The following TNR variants were observed in gnomAD, a reference collection of about 807,000 sequenced individuals.
TNR encodes tenascin-R.
In TNR, 45 loss-of-function variants were observed where a neutral mutation model predicts 150.4. The ratio of observed to expected loss-of-function variants is 0.30; its 90% CI spans 0.24 to 0.38. The LOEUF is 0.38. Among genes scored for constraint, TNR ranks in the 10% least tolerant of loss-of-function variants. TNR has a pLI of 1.00. For missense variants in TNR, 1,544 were observed against 1,759.1 expected (o/e 0.88, Z 2.19); for synonymous variants, 687 against 678.4 (o/e 1.01, Z -0.20).
intron 18 of TNR, among the ~76,000 whole-genome samples, chr1:175,347,646 T>C (rs1026565559): frequency 6.6e-6 from 1 of 152,112 alleles, no homozygotes. Flanking sequence ...CAGGCTGTTT[T>C]CGACCACCTG....
intron 1 of TNR, among the ~76,000 whole-genome samples, chr1:175,550,494 C>T (rs1660895647): frequency 6.6e-6 from 1 of 151,898 alleles, no homozygotes; most frequent in Non-Finnish European, 1.5e-5. Context: ...AACTCTTCCC[C>T]CCTCACCCCC....
chr1:175,630,852 G>A lies in TNR; in HGVS notation c.-164-102483C>T, dbSNP rs149128393. On this transcript the variant is annotated intron_variant, in intron 1 of 22. Transcript: ENST00000367674. ...AAGCCGGACAGCTTATGAATAACAG[G>A]CTGAATTCGCACCAAACAAGGGGAG... 1.0e-3 allele frequency among the ~76,000 whole-genome samples: 156 copies of A among 152,306 alleles called. No homozygotes were observed. The East Asian group carries it at 0.024, about 23-fold the overall frequency.
chr1:175,381,006 C>T (rs1057029722), intron 8 of TNR, among the ~76,000 whole-genome samples: 1 of 152,170 alleles, frequency 6.6e-6, no homozygotes, highest in Non-Finnish European at 1.5e-5. Flanking sequence ...TTCTGTTTAG[C>T]GATGTAAATT....
chr1:175,497,534 A>C (rs761377078), intron 2 of TNR, among the ~76,000 whole-genome samples: 7 of 152,172 alleles, frequency 4.6e-5, no homozygotes, highest in Non-Finnish European at 7.3e-5. Context: ...TCAAATAGTC[A>C]TTTGTGTTTC....
At chr1:175,343,655 C>A (rs1650633104) in intron 18 of TNR, among the ~76,000 whole-genome samples, 1 of 152,200 alleles carries the variant, frequency 6.6e-6, no homozygotes, top group African/African-American at 2.4e-5. Flanking sequence ...TTATTCATCA[C>A]TCAGCACTTA....
chr1:175,344,116 C>T (rs532433363), intron 18 of TNR, among the ~76,000 whole-genome samples: 1 of 152,314 alleles, frequency 6.6e-6, no homozygotes, highest in South Asian at 2.1e-4. Flanking sequence ...GTTTTAAGTA[C>T]TCCTTTTGAG....
rs995066684 is a variant in TNR at position 175,382,122 on chromosome 1, C to T, written c.1778-2385G>A. On this transcript the variant is annotated intron_variant, in intron 8 of 22. Transcript: ENST00000367674. Reference sequence around the variant, plus strand: ...TTATTTCGCTTTTCATTATAGTACTCATAATCAAAATAATTTTGGGTGTTT... The same window carrying T: ...TTATTTCGCTTTTCATTATAGTACTTATAATCAAAATAATTTTGGGTGTTT... 2.0e-5 allele frequency among the ~76,000 whole-genome samples: 3 copies of T among 152,348 alleles called. No homozygotes were observed. The East Asian group carries it at 5.8e-4, about 29-fold the overall frequency.
At chr1:175,492,081 T>C (rs1195511366) in intron 2 of TNR, among the ~76,000 whole-genome samples, 1 of 152,226 alleles carries the variant, frequency 6.6e-6, no homozygotes, top group Non-Finnish European at 1.5e-5. Context: ...AATTCAGGCC[T>C]CCTAGTAACT....
At chr1:175,436,093 G>T (rs1398045221) in intron 2 of TNR, among the ~76,000 whole-genome samples, 1 of 152,052 alleles carries the variant, frequency 6.6e-6, no homozygotes, top group Non-Finnish European at 1.5e-5. Flanking sequence ...TTTCAACTTT[G>T]GTGAATCTGA....
intron 2 of TNR, among the ~76,000 whole-genome samples, chr1:175,454,576 A>T (rs1419212523): frequency 6.6e-6 from 1 of 152,096 alleles, no homozygotes; most frequent in Non-Finnish European, 1.5e-5. Flanking sequence ...GGTTCAAGCG[A>T]TTCTCCTGCC....
At chr1:175,362,628 G>T in intron 14 of TNR, 35 bp downstream of exon 14, 5 of 1,599,324 alleles carry the variant, frequency 3.1e-6, no homozygotes, top group Non-Finnish European at 4.3e-6. Context: ...CTTCAGCCAG[G>T]GTTCTGACTT....
In TNR at chr1:175,406,646, G is replaced by C; in HGVS notation, c.69C>G (p.Gly23=). 5.0e-6 allele frequency: 8 copies of C among 1,614,208 alleles called. No individual in the cohort carries two copies. The highest frequency in any genetic ancestry group is 6.8e-6 in the Non-Finnish European group (8 of 1,180,052). ...MLIGINLILL[G]SMIKPSECQL... ...GACACTCTGAAGGCTTGATCATGGAGCCCAGAAGGATCAGGTTGATGCCAA... is the reference window on the plus strand; with the variant it reads ...GACACTCTGAAGGCTTGATCATGGACCCCAGAAGGATCAGGTTGATGCCAA... The change falls in exon 3 of 23, where the codon GGC becomes GGG. Residue 23 remains glycine, a synonymous_variant. Coordinates refer to ENST00000367674, the MANE Select transcript of TNR (RefSeq NM_003285.3).
At chr1:175,576,328 G>A (rs2102224255) in intron 1 of TNR, among the ~76,000 whole-genome samples, 1 of 152,306 alleles carries the variant, frequency 6.6e-6, no homozygotes, top group African/African-American at 2.4e-5. Context: ...ATTTGAGCAA[G>A]GTGGGAGGAG....
chr1:175,636,254 G>A (rs1664488896), intron 1 of TNR, among the ~76,000 whole-genome samples: 1 of 152,210 alleles, frequency 6.6e-6, no homozygotes, highest in Admixed American at 6.5e-5. Flanking sequence ...CAGGATGATA[G>A]TGGTGATAAT....
chr1:175,542,538 C>T (rs1330030500), intron 1 of TNR, among the ~76,000 whole-genome samples: 2 of 152,166 alleles, frequency 1.3e-5, no homozygotes, highest in Non-Finnish European at 2.9e-5. Flanking sequence ...TGTTCTTTTG[C>T]CATCTGACAG....
At chr1:175,703,611 A>G (rs932445062) in intron 1 of TNR, among the ~76,000 whole-genome samples, 2 of 152,262 alleles carry the variant, frequency 1.3e-5, no homozygotes, top group Non-Finnish European at 2.9e-5. Flanking sequence ...ATCAGAACAG[A>G]AGCATTTCTT....
At position 175,318,011 on chromosome 1, in the gene TNR, T is replaced by TA. The variant is rs1223095082; in HGVS notation, c.*5345dup. The TA allele has an allele frequency of 1.3e-5, 2 of 152,172 alleles. No individual in the cohort carries two copies. The highest frequency in any genetic ancestry group is 2.9e-5 in the Non-Finnish European group (2 of 68,022). 9.4% of individuals were successfully genotyped at this position (152,172 alleles called of 1,614,324 possible). The stretch of plus-strand genomic sequence containing the variant: ...CAGGCAAAGATTGACCTTAAAAAAA[T>TA]AAACAGAATGCTGGAGATGACAAAT... On this transcript the variant is annotated 3_prime_UTR_variant, in exon 23 of 23. Transcript: ENST00000367674.
chr1:175,380,082 C>T (rs859428), intron 8 of TNR, among the ~76,000 whole-genome samples: 3,623 of 152,280 alleles, frequency 0.024, 150 homozygotes, highest in African/African-American at 0.083. Context: ...TCAGAGCCAG[C>T]TCCCGAGTGA....
chr1:175,656,797 C>T (rs533770259), intron 1 of TNR, among the ~76,000 whole-genome samples: 1 of 152,076 alleles, frequency 6.6e-6, no homozygotes, highest in East Asian at 1.9e-4. Flanking sequence ...TGAGGTTTTG[C>T]ATTACATGTG....
Sources: allele counts gnomAD v4.1 joint callset (sites outside exome capture counted in the v4.1 genomes callset), GRCh38; gene constraint gnomAD v4.1.1; transcripts MANE v1.5; gene names NCBI Gene and HGNC (gene_info 2026-07-23, HGNC 2026-07-21).